Variants in NRG3 observed in about 807,000 individuals in gnomAD.
The protein encoded by NRG3 is neuregulin 3.
In NRG3, 31 loss-of-function variants were observed where a neutral mutation model predicts 66.9. The ratio of observed to expected loss-of-function variants is 0.46; its 90% CI spans 0.35 to 0.63. The LOEUF (loss-of-function observed/expected upper bound fraction) is 0.63. NRG3 is among the 20% of genes least tolerant of loss of function. The probability of loss-of-function intolerance (pLI) is 0.00; values close to 1 mark genes in which losing one functional copy is unlikely to be tolerated. For synonymous variants in NRG3, 393 were observed against 359.4 expected, an observed-to-expected ratio of 1.09 and a Z score of -1.06; for missense variants, 910 against 878.9, an observed-to-expected ratio of 1.04 and a Z score of -0.45.
intron 4 of NRG3, among the ~76,000 whole-genome samples, chr10:82,909,784 T>C (rs1384379498): frequency 6.6e-6 from 1 of 152,086 alleles, no homozygotes; most frequent in Non-Finnish European, 1.5e-5. Context: ...TGAGTAACAG[T>C]GATAAGAACA....
chr10:82,571,386 G>A (rs559270363), intron 2 of NRG3, among the ~76,000 whole-genome samples: 210 of 151,750 alleles, frequency 1.4e-3, no homozygotes, highest in Non-Finnish European at 2.7e-3. Flanking sequence ...ATCTGTTCAA[G>A]TTGATAACAA....
intron 2 of NRG3, among the ~76,000 whole-genome samples, chr10:82,438,929 G>GTT (rs555348295): frequency 3.5e-5 from 5 of 144,078 alleles, no homozygotes; most frequent in South Asian, 2.2e-4. Flanking sequence ...TGCTTATTAT[G>GTT]TTTTTTTTTT....
intron 3 of NRG3, among the ~76,000 whole-genome samples, chr10:82,780,480 C>CTTTTTTTTTTTTTTTTTTTTT (rs150086019): frequency 9.4e-6 from 1 of 106,064 alleles, no homozygotes; most frequent in Non-Finnish European, 2.0e-5. Flanking sequence ...TTTTTCTTTT[C>CTTTTTTTTTTTTTTTTTTTTT]TTTTTTTTTT....
At chr10:82,611,678 T>A (rs1446047753) in intron 2 of NRG3, among the ~76,000 whole-genome samples, 3 of 152,184 alleles carry the variant, frequency 2.0e-5, no homozygotes, top group Non-Finnish European at 4.4e-5. Context: ...TTGATGGACA[T>A]TTGGGTTGGT....
intron 1 of NRG3, among the ~76,000 whole-genome samples, chr10:82,285,677 G>C (rs970499630): frequency 2.6e-5 from 4 of 152,114 alleles, no homozygotes; most frequent in African/African-American, 9.7e-5. Context: ...GAAGAAAGAA[G>C]GGAAGAAAGG....
chr10:82,677,320 C>G (rs939274953), intron 2 of NRG3, among the ~76,000 whole-genome samples: 1 of 151,998 alleles, frequency 6.6e-6, no homozygotes, highest in African/African-American at 2.4e-5. Flanking sequence ...GGATTATAGG[C>G]GCGAGCCACT....
intron 1 of NRG3, among the ~76,000 whole-genome samples, chr10:81,928,647 G>A (rs1034064281): frequency 1.3e-5 from 2 of 152,258 alleles, no homozygotes; most frequent in African/African-American, 4.8e-5. Context: ...TACATTCCAT[G>A]CAGTAGCAAA....
At chr10:82,645,174 A>G (rs1016047007) in intron 2 of NRG3, among the ~76,000 whole-genome samples, 1 of 152,146 alleles carries the variant, frequency 6.6e-6, no homozygotes, top group Non-Finnish European at 1.5e-5. Flanking sequence ...ATTATATGAT[A>G]CCAGATACCC....
At chr10:82,358,382 G>C (rs1297585012) in intron 1 of NRG3, among the ~76,000 whole-genome samples, 1 of 152,128 alleles carries the variant, frequency 6.6e-6, no homozygotes, top group Admixed American at 6.6e-5. Context: ...ATAAAGGGAA[G>C]GGAATGTTGT....
At chr10:82,725,170 G>T (rs2057528428) in intron 2 of NRG3, among the ~76,000 whole-genome samples, 1 of 152,190 alleles carries the variant, frequency 6.6e-6, no homozygotes, top group Non-Finnish European at 1.5e-5. Flanking sequence ...GTGAGATACA[G>T]AATGAAGCAG....
At chr10:82,038,950 C>T (rs1363268927) in intron 1 of NRG3, among the ~76,000 whole-genome samples, 1 of 152,050 alleles carries the variant, frequency 6.6e-6, no homozygotes, top group Non-Finnish European at 1.5e-5. Flanking sequence ...TTTTATGAAG[C>T]AGTTAGGCCC....
chr10:82,002,264 C>T (rs2061199413), intron 1 of NRG3, among the ~76,000 whole-genome samples: 1 of 152,138 alleles, frequency 6.6e-6, no homozygotes, highest in African/African-American at 2.4e-5. Flanking sequence ...TCCCAGGACA[C>T]CTCAAACTTC....
chr10:82,844,671 CT>C (rs35056787), intron 3 of NRG3, among the ~76,000 whole-genome samples: 30,202 of 138,320 alleles, frequency 0.22, 3,299 homozygotes, highest in African/African-American at 0.34. Flanking sequence ...CCTCTACAAT[CT>C]TTTTTTTTTT....
At chr10:82,945,953 A>C (rs1189683115) in intron 4 of NRG3, among the ~76,000 whole-genome samples, 1 of 152,122 alleles carries the variant, frequency 6.6e-6, no homozygotes, top group Admixed American at 6.5e-5. Flanking sequence ...ACAGATTCTA[A>C]GCCTTAAGAA....
At chr10:81,989,909 G>T (rs1000151577) in intron 1 of NRG3, among the ~76,000 whole-genome samples, 10 of 152,140 alleles carry the variant, frequency 6.6e-5, no homozygotes, top group African/African-American at 2.2e-4. Context: ...TGTCCAGAAG[G>T]TTGACTATGA....
chr10:82,959,379 G>A (rs190014248), intron 6 of NRG3, among the ~76,000 whole-genome samples: 140 of 152,286 alleles, frequency 9.2e-4, no homozygotes, highest in Middle Eastern at 3.4e-3. Flanking sequence ...TGTGCCAGAA[G>A]TTGTATGTGA....
chr10:82,165,247 G>A (rs964997868), intron 1 of NRG3, among the ~76,000 whole-genome samples: 3 of 151,896 alleles, frequency 2.0e-5, no homozygotes, highest in African/African-American at 7.3e-5. Flanking sequence ...TCAATGAGAA[G>A]TAGTACTGGG....
intron 2 of NRG3, among the ~76,000 whole-genome samples, chr10:82,669,268 A>T (rs977959703): frequency 1.3e-5 from 2 of 149,060 alleles, no homozygotes; most frequent in Non-Finnish European, 3.0e-5. Flanking sequence ...TAATAATAAT[A>T]ATAATAATAA....
intron 2 of NRG3, among the ~76,000 whole-genome samples, chr10:82,436,003 T>C (rs565760036): frequency 1.3e-5 from 2 of 152,108 alleles, no homozygotes; most frequent in African/African-American, 2.4e-5. Context: ...CTGAGAAGAA[T>C]ATATATTCTG....
Sources: allele counts gnomAD v4.1 joint callset (sites outside exome capture counted in the v4.1 genomes callset), GRCh38; gene constraint gnomAD v4.1.1; transcripts MANE v1.5; gene names NCBI Gene and HGNC (gene_info 2026-07-23, HGNC 2026-07-21).